Variants in GLI3 observed in about 807,000 individuals in gnomAD.
GLI3 encodes GLI family zinc finger 3.
Under a neutral mutation model 100.8 loss-of-function variants are expected in GLI3, and 20 were observed. The observed-to-expected ratio is 0.20, with a 90% CI of 0.14 to 0.29. The LOEUF (loss-of-function observed/expected upper bound fraction) is 0.29, where lower values mean the gene tolerates loss of function less well. Among genes scored for constraint, GLI3 ranks in the 10% least tolerant of loss-of-function variants. GLI3 has a pLI of 1.00. For missense variants in GLI3, 2,040 were observed against 2,128.5 expected, an observed-to-expected ratio of 0.96 and a Z score of 0.82; for synonymous variants, 938 against 860.5, an observed-to-expected ratio of 1.09 and a Z score of -1.58.
intron 2 of GLI3, among the ~76,000 whole-genome samples, chr7:42,210,975 C>T (rs1788260635): frequency 6.6e-6 from 1 of 152,210 alleles, no homozygotes; most frequent in Non-Finnish European, 1.5e-5. Flanking sequence ...AATATTCAGC[C>T]AGTATGTATG....
At chr7:42,120,948 G>A (rs1372290313) in intron 3 of GLI3, among the ~76,000 whole-genome samples, 2 of 152,292 alleles carry the variant, frequency 1.3e-5, no homozygotes, top group African/African-American at 4.8e-5. Flanking sequence ...AAAATGACAG[G>A]CTCAGAAAGT....
chr7:42,205,388 T>G (rs1342088014), intron 2 of GLI3, among the ~76,000 whole-genome samples: 1 of 152,134 alleles, frequency 6.6e-6, no homozygotes, highest in Non-Finnish European at 1.5e-5. Context: ...CCACCACTAT[T>G]AAGTAACTCC....
chr7:42,080,866 C>G (rs1784983117), intron 3 of GLI3, among the ~76,000 whole-genome samples: 1 of 152,148 alleles, frequency 6.6e-6, no homozygotes, highest in Non-Finnish European at 1.5e-5. Flanking sequence ...ATGACGAGAA[C>G]AGGCCCTTGT....
At chr7:42,191,637 C>T (rs10951673) in intron 2 of GLI3, among the ~76,000 whole-genome samples, 22,012 of 150,502 alleles carry the variant, frequency 0.15, 2,096 homozygotes, top group Non-Finnish European at 0.22. Flanking sequence ...GCAACAAGAG[C>T]GAAACTCCGT....
chr7:42,185,790 T>A (rs1368940146), intron 2 of GLI3, among the ~76,000 whole-genome samples: 1 of 152,202 alleles, frequency 6.6e-6, no homozygotes, highest in Admixed American at 6.5e-5. Flanking sequence ...ACACACACCC[T>A]GGCAGCAGTA....
At chr7:42,018,501 C>T (rs746169872) in intron 10 of GLI3, among the ~76,000 whole-genome samples, 49 of 152,150 alleles carry the variant, frequency 3.2e-4, no homozygotes, top group Admixed American at 3.1e-3. Context: ...TTTAGGATCA[C>T]GGTATTAATG....
intron 12 of GLI3, 32 bp downstream of exon 12, chr7:41,977,526 A>T: frequency 6.2e-7 from 1 of 1,610,228 alleles, no homozygotes; most frequent in Non-Finnish European, 8.5e-7. Context: ...TTGTTTCCTT[A>T]TGCAAGCTCC....
chr7:42,136,907 C>T (rs370394765), intron 3 of GLI3, among the ~76,000 whole-genome samples: 6 of 152,220 alleles, frequency 3.9e-5, no homozygotes, highest in South Asian at 2.1e-4. Flanking sequence ...AACCTAGCCA[C>T]GCTCTTGCAC....
intron 2 of GLI3, among the ~76,000 whole-genome samples, chr7:42,166,229 T>C (rs1787238339): frequency 6.6e-6 from 1 of 152,238 alleles, no homozygotes; most frequent in African/African-American, 2.4e-5. Context: ...TATTCACTTG[T>C]ATGTCTCCAT....
At chr7:41,987,954 T>C (rs903046308) in intron 10 of GLI3, among the ~76,000 whole-genome samples, 2 of 152,226 alleles carry the variant, frequency 1.3e-5, no homozygotes, top group Non-Finnish European at 2.9e-5. Context: ...TGACTTAATA[T>C]TAACGTGACC....
intron 2 of GLI3, among the ~76,000 whole-genome samples, chr7:42,176,517 G>C (rs960536003): frequency 2.6e-5 from 4 of 152,174 alleles, no homozygotes; most frequent in Admixed American, 6.5e-5. Context: ...CAGATGCCCA[G>C]AGAGGCACAA....
rs147643380 is a variant in GLI3, at chr7:42,023,564, T to A, written c.1401A>T (p.Lys467Asn). Residue 467 changes from lysine (K) to asparagine (N), a missense_variant, in exon 10 of 15, where the codon AAA becomes AAT. Coordinates refer to ENST00000395925, the MANE Select transcript of GLI3 (RefSeq NM_000168.6). ...CTTCAGGCTCCTGTTTGCTTTCATC[T>A]TTGTCCCCTTCCTCCTTGACAAGGG... ...GTTLVKEEGD[K>N]DESKQEPEVI... is the part of the protein sequence containing the mutation. 4 of 1,613,872 alleles carry A rather than the reference T, an allele frequency of 2.5e-6. No individual in the cohort carries two copies. Among genetic ancestry groups the A allele is most frequent in the Non-Finnish European group, 3.4e-6 (4 of 1,179,874 alleles).
At position 41,966,355 on chromosome 7, in the gene GLI3, G is replaced by A; in HGVS notation, c.2718C>T (p.Ser906=). The A allele has an allele frequency of 2.5e-6, 4 of 1,608,276 alleles. No individual in the cohort carries two copies. Among genetic ancestry groups the A allele is most frequent in the Non-Finnish European group, 3.4e-6 (4 of 1,179,264 alleles). ...GGCCGTCGCTCTGGCTGGCTTCGCTGGAGCGGCGCGAGGCGTCGGTGGAGA... is the reference window on the plus strand; with the variant it reads ...GGCCGTCGCTCTGGCTGGCTTCGCTAGAGCGGCGCGAGGCGTCGGTGGAGA... ...DPISTDASRR[S]SEASQSDGLP... Residue 906 remains serine (S), a synonymous_variant, in exon 15 of 15, where the codon TCC becomes TCT. Transcript: ENST00000395925. This position sits in a 1 kb window ranked among gnomAD's most constrained non-coding sequence, Gnocchi z 5.8.
chr7:42,239,656 T>C (rs1788904218), upstream of GLI3, among the ~76,000 whole-genome samples: 1 of 152,180 alleles, frequency 6.6e-6, no homozygotes, highest in African/African-American at 2.4e-5. Flanking sequence ...TTATAGCACA[T>C]TTTGAATCAT....
chr7:42,016,703 CCAT>C (rs532668811), intron 10 of GLI3, among the ~76,000 whole-genome samples: 72 of 151,812 alleles, frequency 4.7e-4, no homozygotes, highest in Admixed American at 1.4e-3. Context: ...ATCATCACCA[CCAT>C]CATCATCATC....
chr7:42,178,350 T>C (rs539061648), intron 2 of GLI3, among the ~76,000 whole-genome samples: 10 of 152,184 alleles, frequency 6.6e-5, no homozygotes, highest in East Asian at 1.9e-4. Context: ...CTTAATTCCA[T>C]AGTCATTGTA....
intron 4 of GLI3, among the ~76,000 whole-genome samples, chr7:42,063,656 T>C (rs1246533648): frequency 2.0e-5 from 3 of 152,196 alleles, no homozygotes; most frequent in Admixed American, 6.5e-5. Context: ...CTACTTAGAA[T>C]AGATGATTTA....
chr7:42,218,792 A>G (rs1021561107), intron 2 of GLI3, among the ~76,000 whole-genome samples: 1 of 152,164 alleles, frequency 6.6e-6, no homozygotes, highest in Non-Finnish European at 1.5e-5. Context: ...TAACTATCAG[A>G]TCTGATAAAA....
In GLI3 at chr7:42,012,105, C is replaced by T. The variant is rs959824529; in HGVS notation, c.1497+11363G>A. ...AGTGTCAGCGCAATATAAATTACGG[C>T]CAGGGGAAAAAAGAAACGACTTGAT... On this transcript the variant is annotated intron_variant, in intron 10 of 14. Transcript: ENST00000395925. 5.3e-5 allele frequency among the ~76,000 whole-genome samples: 8 copies of T among 152,188 alleles called. No homozygotes were observed. The South Asian group carries it at 1.0e-3, about 20-fold the overall frequency.
Sources: gnomAD v4.1 joint callset for allele counts (sites outside exome capture counted in the v4.1 genomes callset) on GRCh38, gnomAD v4.1.1 for gene constraint, Gnocchi (gnomAD v3.1) non-coding constraint, MANE v1.5 for transcripts, NCBI Gene and HGNC (gene_info 2026-07-23, HGNC 2026-07-21) for gene names.